Variants in FOXN3 observed in about 807,000 individuals in gnomAD.
FOXN3 encodes forkhead box protein N3.
Under a neutral mutation model 38.4 loss-of-function variants are expected in FOXN3, and 7 were observed. The observed-to-expected ratio is 0.18, with a 90% CI of 0.10 to 0.34. The LOEUF is 0.34. Ranked by LOEUF, FOXN3 falls within the 10% of genes least tolerant of loss-of-function variation. The probability of loss-of-function intolerance (pLI) is 1.00; values close to 1 mark genes in which losing one functional copy is unlikely to be tolerated. For synonymous variants in FOXN3, 230 were observed against 242.2 expected, an observed-to-expected ratio of 0.95 and a Z score of 0.47; for missense variants, 456 against 613.4, an observed-to-expected ratio of 0.74 and a Z score of 2.71.
At chr14:89,491,401 C>T (rs1416154304) in intron 1 of FOXN3, among the ~76,000 whole-genome samples, 1 of 152,150 alleles carries the variant, frequency 6.6e-6, no homozygotes, top group Non-Finnish European at 1.5e-5. Flanking sequence ...ACAGAGGAAG[C>T]AGAATTTAAG....
chr14:89,162,940 G>A lies in FOXN3; in HGVS notation c.881C>T (p.Thr294Ile), dbSNP rs544199861. The A allele has an allele frequency of 5.7e-6, 9 of 1,575,414 alleles. No individual in the cohort carries two copies. In the South Asian group the frequency reaches 9.3e-5, roughly 16 times the overall value. ...RNGITSCRMR[T>I]ESEPSCGSPV... ...GGAGCCACAAGATGGCTCACTCTCA[G>A]TCCGCATCCGGCAGCTGGTGATGCC... The change falls in exon 6 of 6, where the codon ACT (threonine) becomes ATT (isoleucine). Residue 294 changes from threonine to isoleucine, a missense_variant. Physicochemically the swap from Thr to Ile is moderately conservative, Grantham distance 89. This residue lies in a region of FOXN3 where 386 missense variants were observed against 505.2 expected (regional missense o/e 0.76). Coordinates refer to ENST00000557258, the MANE Select transcript of FOXN3 (RefSeq NM_005197.4). The surrounding 1 kb of genome is among the most constrained non-coding windows in gnomAD (Gnocchi z 7.2).
intron 4 of FOXN3, among the ~76,000 whole-genome samples, chr14:89,272,757 GC>G (rs1262020866): frequency 1.3e-5 from 2 of 152,164 alleles, no homozygotes; most frequent in African/African-American, 4.8e-5. Flanking sequence ...GGAGGCTGAG[GC>G]AGTAGAATCA....
intron 1 of FOXN3, chr14:89,577,550 A>G (rs1360145284): frequency 6.6e-6 from 1 of 152,138 alleles, no homozygotes; most frequent in East Asian, 1.9e-4. Context: ...TACAAAGTTC[A>G]CAAAATCCAT....
At chr14:89,536,510 G>A (rs1002117479) in intron 1 of FOXN3, among the ~76,000 whole-genome samples, 34 of 152,284 alleles carry the variant, frequency 2.2e-4, no homozygotes, top group Admixed American at 1.2e-3. Context: ...CGGCGGGCGC[G>A]GTGGCTCACG....
At chr14:89,572,079 A>T (rs1479792318) in intron 1 of FOXN3, among the ~76,000 whole-genome samples, 1 of 152,238 alleles carries the variant, frequency 6.6e-6, no homozygotes. Flanking sequence ...AACTCTTTCC[A>T]TTACTCCATA....
At chr14:89,171,541 TA>T (rs558894423) in intron 5 of FOXN3, among the ~76,000 whole-genome samples, 1 of 151,888 alleles carries the variant, frequency 6.6e-6, no homozygotes, top group Non-Finnish European at 1.5e-5. Context: ...CAGTAATATG[TA>T]AAAAAAAGTA....
At position 89,370,781 on chromosome 14, in the gene FOXN3, G is replaced by A. The variant is rs554090505; in HGVS notation, c.544-19973C>T. On this transcript the variant is annotated intron_variant, in intron 2 of 5. Coordinates refer to ENST00000557258, the MANE Select transcript of FOXN3 (RefSeq NM_005197.4). ...AGAGCCGTAAATTACACTCAACTCC[G>A]GATAGGGTCTGCATGGCCCGTAGGG... Among the ~76,000 whole-genome samples, 6 of 152,312 alleles carry A rather than the reference G, an allele frequency of 3.9e-5. No homozygotes were observed. In the South Asian group the frequency reaches 8.3e-4, roughly 21 times the overall value.
At chr14:89,558,924 G>C (rs758536112) in intron 1 of FOXN3, among the ~76,000 whole-genome samples, 7 of 152,228 alleles carry the variant, frequency 4.6e-5, no homozygotes, top group Non-Finnish European at 1.0e-4. Context: ...GCACACTTAG[G>C]CTTCTTAATA....
chr14:89,170,483 A>G (rs755663611), intron 5 of FOXN3, among the ~76,000 whole-genome samples: 12 of 152,150 alleles, frequency 7.9e-5, no homozygotes, highest in Non-Finnish European at 1.8e-4. Context: ...CACTGTGTTG[A>G]CCAGACTGGT....
intron 1 of FOXN3, among the ~76,000 whole-genome samples, chr14:89,449,899 A>G (rs1392703350): frequency 6.6e-6 from 1 of 152,206 alleles, no homozygotes; most frequent in African/African-American, 2.4e-5. Flanking sequence ...CTTAGGTCAG[A>G]TGACTTAAGG....
In FOXN3 at chr14:89,616,270, T is replaced by C. The variant is rs561201436; in HGVS notation, c.-15+2758A>G. Reference sequence around the variant, plus strand: ...TCTTTATAGTCCTCATGGAAATCATTACCAAGATACTGGAAATATTTGCAA... The same window carrying C: ...TCTTTATAGTCCTCATGGAAATCATCACCAAGATACTGGAAATATTTGCAA... On this transcript the variant is annotated intron_variant, in intron 1 of 6. Transcript: ENST00000345097. Among the ~76,000 whole-genome samples the C allele has an allele frequency of 4.2e-3, 645 of 152,244 alleles. 2 individuals are homozygous for C. Among genetic ancestry groups the C allele is most frequent in the South Asian group, 6.2e-3 (30 of 4,824 alleles).
chr14:89,318,042 G>T (rs1887776123), intron 3 of FOXN3, among the ~76,000 whole-genome samples: 1 of 151,524 alleles, frequency 6.6e-6, no homozygotes, highest in South Asian at 2.1e-4. Flanking sequence ...AAAGGTTGGG[G>T]ACTGCTATAT....
intron 3 of FOXN3, among the ~76,000 whole-genome samples, chr14:89,293,097 G>T (rs11159897): frequency 6.6e-6 from 1 of 151,982 alleles, no homozygotes. Context: ...TTTCCTAGGA[G>T]AGTTTGTGGA....
chr14:89,317,044 G>A (rs7141827), intron 3 of FOXN3, among the ~76,000 whole-genome samples: 115,613 of 152,148 alleles, frequency 0.76, 44,093 homozygotes, highest in Middle Eastern at 0.82. Flanking sequence ...ATTCTATGCA[G>A]TAGAACCTGC....
intron 4 of FOXN3, among the ~76,000 whole-genome samples, chr14:89,182,121 C>T (rs1887690102): frequency 6.6e-6 from 1 of 152,214 alleles, no homozygotes; most frequent in African/African-American, 2.4e-5. Context: ...GAAAACCACT[C>T]TGGACATTAG....
intron 3 of FOXN3, among the ~76,000 whole-genome samples, chr14:89,315,300 T>A (rs1887686509): frequency 6.6e-6 from 1 of 152,118 alleles, no homozygotes; most frequent in Non-Finnish European, 1.5e-5. Context: ...AATATCTTGA[T>A]GAGATAGCAC....
intron 4 of FOXN3, among the ~76,000 whole-genome samples, chr14:89,220,465 C>T (rs61985230): frequency 0.17 from 25,674 of 152,168 alleles, 2,334 homozygotes; most frequent in Non-Finnish European, 0.21. Context: ...AAAGCATCAC[C>T]ATTTTCAGGA....
At chr14:89,487,248 T>C (rs1162655669) in intron 1 of FOXN3, among the ~76,000 whole-genome samples, 1 of 152,250 alleles carries the variant, frequency 6.6e-6, no homozygotes, top group Non-Finnish European at 1.5e-5. Flanking sequence ...ACAGATTGCA[T>C]AATCATCTCT....
intron 3 of FOXN3, among the ~76,000 whole-genome samples, chr14:89,287,740 A>G (rs983484921): frequency 9.2e-6 from 1 of 109,076 alleles, no homozygotes; most frequent in African/African-American, 3.6e-5. Flanking sequence ...CACTTACTCT[A>G]AAGAATGCTA....
Sources: gnomAD v4.1 joint callset for allele counts (sites outside exome capture counted in the v4.1 genomes callset) on GRCh38, gnomAD v4.1.1 for gene constraint, gnomAD v4.1.1 regional missense constraint, Gnocchi (gnomAD v3.1) non-coding constraint, MANE v1.5 for transcripts, NCBI Gene and HGNC (gene_info 2026-07-23, HGNC 2026-07-21) for gene names.